FAM107B: variants seen among roughly 807,000 people sequenced by gnomAD.
The protein encoded by FAM107B is family with sequence similarity 107 member B.
A neutral mutation model predicts 31.5 loss-of-function variants in FAM107B; 21 were observed. That is an observed-to-expected ratio of 0.67 (90% CI 0.47 to 0.96). The LOEUF (loss-of-function observed/expected upper bound fraction) is 0.96, where lower values mean the gene tolerates loss of function less well. FAM107B is among the 40% of genes least tolerant of loss of function. The probability of loss-of-function intolerance (pLI) is 0.00; values close to 1 mark genes in which losing one functional copy is unlikely to be tolerated. For synonymous variants in FAM107B, 157 were observed against 141.5 expected (o/e 1.11, Z -0.78); for missense variants, 452 against 377.1 (o/e 1.20, Z -1.64).
chr10:14,693,034 A>G (rs1488641318), intron 1 of FAM107B, among the ~76,000 whole-genome samples: 1 of 152,210 alleles, frequency 6.6e-6, no homozygotes, highest in Admixed American at 6.5e-5. Flanking sequence ...ACTGCTTTGG[A>G]GTAATCAACC....
chr10:14,759,360 C>G (rs1832996708), intron 1 of FAM107B, among the ~76,000 whole-genome samples: 1 of 152,114 alleles, frequency 6.6e-6, no homozygotes, highest in Non-Finnish European at 1.5e-5. Context: ...ACACTGTCTG[C>G]TCATATAGCC....
chr10:14,672,104 A>ATTT (rs11377065), intron 1 of FAM107B, among the ~76,000 whole-genome samples: 2,230 of 142,252 alleles, frequency 0.016, 67 homozygotes, highest in African/African-American at 0.052. Flanking sequence ...TTATTTATTT[A>ATTT]TTTTTTTTTT....
At chr10:14,624,344 A>G (rs1195221664) in intron 2 of FAM107B, among the ~76,000 whole-genome samples, 1 of 152,200 alleles carries the variant, frequency 6.6e-6, no homozygotes, top group Non-Finnish European at 1.5e-5. Flanking sequence ...GGCTTTGTCT[A>G]TCCTGCCCCA....
At chr10:14,584,441 C>T (rs756282397) in intron 2 of FAM107B, among the ~76,000 whole-genome samples, 23 of 152,176 alleles carry the variant, frequency 1.5e-4, no homozygotes, top group Non-Finnish European at 2.8e-4. Flanking sequence ...CAGAGTCTTT[C>T]GCTCCATTTT....
intron 2 of FAM107B, among the ~76,000 whole-genome samples, chr10:14,563,193 C>T (rs1850387067): frequency 6.6e-6 from 1 of 152,180 alleles, no homozygotes; most frequent in Non-Finnish European, 1.5e-5. Flanking sequence ...AGAAGGCAAC[C>T]TACAGATGAG....
At chr10:14,767,932 A>G (rs2131597944) in intron 1 of FAM107B, among the ~76,000 whole-genome samples, 1 of 152,320 alleles carries the variant, frequency 6.6e-6, no homozygotes, top group East Asian at 1.9e-4. Context: ...AATGTACAGA[A>G]CTAATAAATA....
At chr10:14,553,238 T>C (rs1849419047) in intron 2 of FAM107B, 1 of 544,530 alleles carries the variant, frequency 1.8e-6, no homozygotes, top group Non-Finnish European at 2.6e-6. Flanking sequence ...TAATTATATC[T>C]GTTCACAGGT....
chr10:14,522,247 T>A, intron 3 of FAM107B: 1 of 567,974 alleles, frequency 1.8e-6, no homozygotes, highest in Non-Finnish European at 3.0e-6. Flanking sequence ...TCAATGACAA[T>A]GTATTGGCCA....
chr10:14,642,052 A>G (rs1853641161), intron 2 of FAM107B, among the ~76,000 whole-genome samples: 1 of 152,206 alleles, frequency 6.6e-6, no homozygotes, highest in South Asian at 2.1e-4. Flanking sequence ...CGCACTGCCA[A>G]AATACAACAT....
At chr10:14,761,034 A>AAAAAAAAC (rs1554757192) in intron 1 of FAM107B, among the ~76,000 whole-genome samples, 7 of 146,634 alleles carry the variant, frequency 4.8e-5, no homozygotes, top group African/African-American at 9.9e-5. Flanking sequence ...AAAAAAAAAA[A>AAAAAAAAC]AAGAAAGACA....
At chr10:14,555,916 C>CACAA (rs71961964) in intron 2 of FAM107B, 9 of 154,930 alleles carry the variant, frequency 5.8e-5, no homozygotes, top group African/African-American at 2.2e-4. Flanking sequence ...CACACACACA[C>CACAA]ACACACACAC....
intron 1 of FAM107B, among the ~76,000 whole-genome samples, chr10:14,692,996 C>T (rs1410072): frequency 0.42 from 63,484 of 151,956 alleles, 13,542 homozygotes; most frequent in African/African-American, 0.49. Context: ...CGCAGTGATG[C>T]GGTCAGCCTT....
chr10:14,606,361 C>T (rs1230760672), intron 2 of FAM107B, among the ~76,000 whole-genome samples: 2 of 152,164 alleles, frequency 1.3e-5, no homozygotes, highest in Non-Finnish European at 2.9e-5. Context: ...CCCTCCCATA[C>T]CCGACATGGT....
chr10:14,706,505 G>C (rs550640852), intron 1 of FAM107B, among the ~76,000 whole-genome samples: 78 of 152,234 alleles, frequency 5.1e-4, no homozygotes, highest in South Asian at 6.2e-4. Context: ...TGGGATATCT[G>C]CCTCATTTTA....
chr10:14,564,034 A>T (rs776462399), intron 2 of FAM107B, among the ~76,000 whole-genome samples: 9 of 152,086 alleles, frequency 5.9e-5, no homozygotes, highest in Non-Finnish European at 1.2e-4. Context: ...CAGGTTTATT[A>T]TTGTTTGTTA....
intron 2 of FAM107B, among the ~76,000 whole-genome samples, chr10:14,567,023 G>A (rs868759156): frequency 2.0e-5 from 3 of 152,314 alleles, no homozygotes; most frequent in African/African-American, 4.8e-5. Flanking sequence ...CATGGTGGCG[G>A]ACGCCTGTAG....
chr10:14,652,464 C>G (rs889026613), intron 2 of FAM107B, among the ~76,000 whole-genome samples: 1 of 152,216 alleles, frequency 6.6e-6, no homozygotes, highest in African/African-American at 2.4e-5. Context: ...CAGGCCTGGA[C>G]TGAGTCCTGG....
chr10:14,637,299 C>T (rs1853524899), intron 2 of FAM107B, among the ~76,000 whole-genome samples: 2 of 152,100 alleles, frequency 1.3e-5, no homozygotes, highest in African/African-American at 4.8e-5. Flanking sequence ...GAATAATATC[C>T]TCCTCTTGAG....
At chr10:14,622,987 C>T (rs1055950462) in intron 2 of FAM107B, among the ~76,000 whole-genome samples, 1 of 152,166 alleles carries the variant, frequency 6.6e-6, no homozygotes, top group Non-Finnish European at 1.5e-5. Context: ...AATTGCAAAG[C>T]AACCTGAGTA....
Sources: gnomAD v4.1 joint callset for allele counts (sites outside exome capture counted in the v4.1 genomes callset) on GRCh38, gnomAD v4.1.1 for gene constraint, MANE v1.5 for transcripts, NCBI Gene and HGNC (gene_info 2026-07-23, HGNC 2026-07-21) for gene names.